Variants in TESK2 observed in about 807,000 individuals in gnomAD.
The protein encoded by TESK2 is dual specificity testis-specific protein kinase 2.
Under a neutral mutation model 57.1 loss-of-function variants are expected in TESK2, and 39 were observed. The ratio of observed to expected loss-of-function variants is 0.68; its 90% confidence interval spans 0.53 to 0.89. TESK2 has a LOEUF of 0.89. TESK2 is among the 40% of genes least tolerant of loss of function. The pLI is 0.00. For missense variants in TESK2, 646 were observed against 732.1 expected (o/e 0.88, Z 1.36); for synonymous variants, 249 against 267.9 (o/e 0.93, Z 0.69).
At chr1:45,407,930 G>C (rs1649910143) in intron 3 of TESK2, among the ~76,000 whole-genome samples, 1 of 152,088 alleles carries the variant, frequency 6.6e-6, no homozygotes, top group African/African-American at 2.4e-5. Context: ...AAACATATCA[G>C]GAAATACATA....
At position 45,457,713 on chromosome 1, in the gene TESK2, C is replaced by T; in HGVS notation, c.73G>A (p.Gly25Ser). The change falls in exon 2 of 11, where the codon GGT becomes AGT. Residue 25 changes from glycine (G) to serine (S), a missense_variant. Transcript: ENST00000372086. ...CTCACATTTCCTTCTCCTCCACCAC[C>T]TCCTTCAAACTCTTCAAGACGCTCC... ...RVERLEEFEG[G>S]GGGEGNVSQV... 1 of 1,614,152 alleles carries T rather than the reference C, an allele frequency of 6.2e-7. No homozygotes were observed. Among genetic ancestry groups the T allele is most frequent in the Non-Finnish European group, 8.5e-7 (1 of 1,180,014 alleles).
At chr1:45,357,196 CATAAATAAATAAATAAATAAATAAATAA>C (rs59019267) in intron 4 of TESK2, among the ~76,000 whole-genome samples, 1 of 141,068 alleles carries the variant, frequency 7.1e-6, no homozygotes, top group African/African-American at 2.6e-5. Context: ...AACTCCATCT[CATAAATAAATAAATAAATAAATAAATAA>C]ATAAATAAAT....
chr1:45,449,556 G>C (rs1207131857), intron 2 of TESK2, among the ~76,000 whole-genome samples: 1 of 152,048 alleles, frequency 6.6e-6, no homozygotes, highest in African/African-American at 2.4e-5. Flanking sequence ...ATGGAGGATA[G>C]ATTAATTAAT....
intron 4 of TESK2, among the ~76,000 whole-genome samples, chr1:45,358,712 G>A (rs535301297): frequency 8.6e-5 from 13 of 151,896 alleles, no homozygotes; most frequent in African/African-American, 2.9e-4. Context: ...ACATGCACAT[G>A]AAAATCCAAT....
chr1:45,349,055 CAG>C (rs992575633), intron 5 of TESK2, among the ~76,000 whole-genome samples: 8 of 151,866 alleles, frequency 5.3e-5, no homozygotes, highest in African/African-American at 1.9e-4. Context: ...TTCAGAATAG[CAG>C]AGAGCAGGGA....
chr1:45,414,079 T>C (rs1028421172), intron 3 of TESK2, among the ~76,000 whole-genome samples: 4 of 152,196 alleles, frequency 2.6e-5, no homozygotes, highest in Non-Finnish European at 4.4e-5. Flanking sequence ...GGAAGTATAA[T>C]AAATGTTTCC....
intron 3 of TESK2, among the ~76,000 whole-genome samples, chr1:45,395,662 A>G (rs1349846554): frequency 6.8e-6 from 1 of 147,210 alleles, no homozygotes; most frequent in African/African-American, 2.5e-5. Flanking sequence ...GCTGGAGTGC[A>G]GTGTTGCAAT....
chr1:45,474,496 G>A (rs1001018441), intron 1 of TESK2, among the ~76,000 whole-genome samples: 1 of 151,794 alleles, frequency 6.6e-6, no homozygotes, highest in Non-Finnish European at 1.5e-5. Flanking sequence ...TTTTTGAGAC[G>A]GAATGTCTCT....
chr1:45,363,037 A>G (rs912383293), intron 4 of TESK2, among the ~76,000 whole-genome samples: 2 of 152,212 alleles, frequency 1.3e-5, no homozygotes, highest in Non-Finnish European at 2.9e-5. Context: ...AATGGCAGCA[A>G]GAATGGAAAG....
At chr1:45,411,073 T>C in intron 3 of TESK2, among the ~76,000 whole-genome samples, 1 of 152,220 alleles carries the variant, frequency 6.6e-6, no homozygotes, top group East Asian at 1.9e-4. Flanking sequence ...TCTGCTAAAA[T>C]GTAGGTATAG....
chr1:45,414,292 A>G (rs971094433), intron 3 of TESK2, among the ~76,000 whole-genome samples: 5 of 152,232 alleles, frequency 3.3e-5, no homozygotes, highest in African/African-American at 9.6e-5. Flanking sequence ...TTTGAGACAG[A>G]TGGCTTATGC....
chr1:45,418,981 CTT>C (rs201981155), intron 3 of TESK2, among the ~76,000 whole-genome samples: 34 of 141,020 alleles, frequency 2.4e-4, no homozygotes, highest in East Asian at 8.1e-4. Flanking sequence ...TTCCCTGACC[CTT>C]TTTTTTTTTT....
At chr1:45,416,071 C>G (rs1474031458) in intron 3 of TESK2, among the ~76,000 whole-genome samples, 1 of 79,570 alleles carries the variant, frequency 1.3e-5, no homozygotes, top group African/African-American at 4.3e-5. Flanking sequence ...TAATCTAGAG[C>G]CTTTTTTTTT....
chr1:45,402,559 C>T (rs1464044211), intron 3 of TESK2, among the ~76,000 whole-genome samples: 5 of 151,274 alleles, frequency 3.3e-5, no homozygotes, highest in Admixed American at 1.3e-4. Context: ...CTTGGCTGAC[C>T]ACAACCTCTG....
chr1:45,476,470 G>T (rs572984963), intron 1 of TESK2, among the ~76,000 whole-genome samples: 10 of 151,414 alleles, frequency 6.6e-5, no homozygotes, highest in Non-Finnish European at 1.2e-4. Context: ...TGACACCACC[G>T]CACTCCGGCC....
chr1:45,372,913 A>G (rs1163633516), intron 4 of TESK2, among the ~76,000 whole-genome samples: 1 of 151,382 alleles, frequency 6.6e-6, no homozygotes, highest in Non-Finnish European at 1.5e-5. Context: ...CTGTAATCCC[A>G]GCTACTTGGG....
At chr1:45,475,155 G>A (rs1241550739) in intron 1 of TESK2, among the ~76,000 whole-genome samples, 3 of 148,966 alleles carry the variant, frequency 2.0e-5, no homozygotes, top group African/African-American at 2.5e-5. Flanking sequence ...GAGACTGTGG[G>A]AAAGAAAGTA....
chr1:45,466,718 A>G (rs1439582003), intron 1 of TESK2, among the ~76,000 whole-genome samples: 1 of 150,280 alleles, frequency 6.7e-6, no homozygotes, highest in African/African-American at 2.4e-5. Flanking sequence ...ATAGTCATGA[A>G]TGCTATGACA....
At chr1:45,427,234 CAAAAAAAA>C (rs111269135) in intron 2 of TESK2, among the ~76,000 whole-genome samples, 9 of 129,504 alleles carry the variant, frequency 6.9e-5, no homozygotes, top group Admixed American at 5.4e-4. Context: ...GACTCTGTCT[CAAAAAAAA>C]AAAAAAAAAA....
Sources: allele counts gnomAD v4.1 joint callset (sites outside exome capture counted in the v4.1 genomes callset), GRCh38; gene constraint gnomAD v4.1.1; transcripts MANE v1.5; gene names NCBI Gene and HGNC (gene_info 2026-07-23, HGNC 2026-07-21).